Variants in CFAP20DC observed in about 807,000 individuals in gnomAD.
CFAP20DC encodes protein CFAP20DC.
In CFAP20DC, 84 loss-of-function variants were observed where a neutral mutation model predicts 101.7. The observed-to-expected ratio is 0.83, with a 90% CI of 0.69 to 0.99. The LOEUF (loss-of-function observed/expected upper bound fraction) is 0.99. CFAP20DC is among the 50% of genes least tolerant of loss of function. The probability of loss-of-function intolerance (pLI) is 0.00; values close to 1 mark genes in which losing one functional copy is unlikely to be tolerated. For missense variants in CFAP20DC, 1,007 were observed against 970.3 expected, an observed-to-expected ratio of 1.04 and a Z score of -0.50; for synonymous variants, 359 against 351.2, an observed-to-expected ratio of 1.02 and a Z score of -0.25.
At chr3:58,805,111 A>T (rs1049036116) in intron 15 of CFAP20DC, among the ~76,000 whole-genome samples, 3 of 152,240 alleles carry the variant, frequency 2.0e-5, no homozygotes. Context: ...ACTGGACCAG[A>T]ATGGGCACTT....
chr3:58,903,627 G>T (rs1422389868), intron 6 of CFAP20DC, among the ~76,000 whole-genome samples: 2 of 152,180 alleles, frequency 1.3e-5, no homozygotes, highest in Admixed American at 6.5e-5. Flanking sequence ...GGAGAGAGAA[G>T]TGCTGAGCAA....
At chr3:58,744,945 C>A (rs928365325) in intron 16 of CFAP20DC, among the ~76,000 whole-genome samples, 10 of 152,180 alleles carry the variant, frequency 6.6e-5, no homozygotes, top group African/African-American at 2.4e-4. Context: ...TTTTGATGAG[C>A]TTCTGTGACT....
At chr3:58,827,550 A>G (rs1275187693) in intron 14 of CFAP20DC, among the ~76,000 whole-genome samples, 2 of 152,098 alleles carry the variant, frequency 1.3e-5, no homozygotes, top group African/African-American at 4.8e-5. Context: ...TCCACCACAG[A>G]CTTAATTTGG....
intron 4 of CFAP20DC, among the ~76,000 whole-genome samples, chr3:58,957,657 A>T (rs148272724): frequency 1.4e-3 from 208 of 152,336 alleles, no homozygotes; most frequent in African/African-American, 4.7e-3. Flanking sequence ...CATACAATGG[A>T]GTATTATTCA....
At chr3:58,967,053 ATC>A (rs2108307259) in intron 4 of CFAP20DC, among the ~76,000 whole-genome samples, 1 of 152,322 alleles carries the variant, frequency 6.6e-6, no homozygotes, top group South Asian at 2.1e-4. Flanking sequence ...ACCCAGAGCA[ATC>A]TTGAAAAGCA....
At chr3:58,844,795 A>C (rs1302729340) in intron 13 of CFAP20DC, among the ~76,000 whole-genome samples, 1 of 135,996 alleles carries the variant, frequency 7.4e-6, no homozygotes, top group Admixed American at 7.2e-5. Context: ...AAAAGAACAG[A>C]AATTATAACA....
chr3:59,026,872 G>A (rs918439891), intron 4 of CFAP20DC, among the ~76,000 whole-genome samples: 1 of 152,190 alleles, frequency 6.6e-6, no homozygotes, highest in African/African-American at 2.4e-5. Flanking sequence ...TTGGCTTGAG[G>A]CTAAAGCTTT....
At chr3:58,927,892 T>C (rs1401120795) in intron 5 of CFAP20DC, among the ~76,000 whole-genome samples, 1 of 152,118 alleles carries the variant, frequency 6.6e-6, no homozygotes, top group Non-Finnish European at 1.5e-5. Flanking sequence ...TAGAGTATAC[T>C]AGCAGTGGAA....
At chr3:58,808,561 G>A (rs1001833122) in intron 14 of CFAP20DC, among the ~76,000 whole-genome samples, 3 of 152,130 alleles carry the variant, frequency 2.0e-5, no homozygotes, top group Non-Finnish European at 2.9e-5. Context: ...GCTCCTGAAG[G>A]AACCGCTAAA....
intron 14 of CFAP20DC, among the ~76,000 whole-genome samples, chr3:58,808,178 G>C (rs1271026467): frequency 1.6e-4 from 24 of 152,152 alleles, no homozygotes; most frequent in Admixed American, 6.5e-4. Flanking sequence ...AATCTAGCAA[G>C]GCAGGCTAAC....
rs1458492873 is a variant in CFAP20DC, at chr3:58,844,368, T to A, written c.1971+4664A>T. Among the ~76,000 whole-genome samples, 5 of 138,696 alleles carry A rather than the reference T, an allele frequency of 3.6e-5. No homozygotes were observed. In the South Asian group the frequency reaches 7.1e-4, roughly 20 times the overall value. The allele number at this position is 138,696 out of a possible 152,430, so 91.0% of individuals were successfully genotyped here. A position where few individuals can be genotyped will look rare whatever the true frequency, so the allele number is the denominator to read the frequency against. On this transcript the variant is annotated intron_variant, in intron 13 of 16. Coordinates refer to ENST00000482387, the MANE Select transcript of CFAP20DC (RefSeq NM_001394063.1). ...AAAGGCAGGGGTTGCAATCCTAGTC[T>A]CTGATAAAACAGACTTTAAACCAAC...
In CFAP20DC at chr3:58,868,615, T is replaced by C. The variant is rs971360102; in HGVS notation, c.1016-679A>G. Among the ~76,000 whole-genome samples, 2 of 152,202 alleles carry C rather than the reference T, an allele frequency of 1.3e-5. No individual in the cohort carries two copies. The highest frequency in any genetic ancestry group is 2.9e-5 in the Non-Finnish European group (2 of 68,018). ...TTAAGAAACTTGATCAAGGCCTCACTGACAGGCAGCTAGGGCTGGATTTCT... is the reference window on the plus strand; with the variant it reads ...TTAAGAAACTTGATCAAGGCCTCACCGACAGGCAGCTAGGGCTGGATTTCT... On this transcript the variant is annotated intron_variant, in intron 9 of 16. Transcript: ENST00000482387. The surrounding 1 kb of genome is among the most constrained non-coding windows in gnomAD (Gnocchi z 4.6).
rs1192133595 is a variant in CFAP20DC, at chr3:58,732,280, A to C, written c.198-14652T>G. Among the ~76,000 whole-genome samples the C allele has an allele frequency of 6.6e-6, 1 of 152,230 alleles. No homozygotes were observed. The highest frequency in any genetic ancestry group is 6.5e-5 in the Admixed American group (1 of 15,288). ...ATATAGAAACTGATGGTATTTGTCA[A>C]ATTCAGCTCAGTAGAAATGCCACAG... On this transcript the variant is annotated intron_variant, in intron 3 of 3. Coordinates refer to the CFAP20DC transcript ENST00000486145. The surrounding 1 kb of genome is among the most constrained non-coding windows in gnomAD (Gnocchi z 5.4).
chr3:58,869,233 G>A lies in CFAP20DC; in HGVS notation c.1015+95C>T. 2 of 973,934 alleles carry A rather than the reference G, an allele frequency of 2.1e-6. No homozygotes were observed. The highest frequency in any genetic ancestry group is 1.5e-6 in the Non-Finnish European group (1 of 668,564). The allele number at this position is 973,934 out of a possible 1,614,324, so 60.3% of individuals were successfully genotyped here. ...TTAAATGACAATTCTCTAGACTTAAGATCTAGACTTGAATATAACTGCTGA... is the reference window on the plus strand; with the variant it reads ...TTAAATGACAATTCTCTAGACTTAAAATCTAGACTTGAATATAACTGCTGA... On this transcript the variant is annotated intron_variant, in intron 9 of 16. Coordinates refer to ENST00000482387, the MANE Select transcript of CFAP20DC (RefSeq NM_001394063.1). The surrounding 1 kb of genome is among the most constrained non-coding windows in gnomAD (Gnocchi z 4.3).
intron 5 of CFAP20DC, among the ~76,000 whole-genome samples, chr3:58,934,175 T>C (rs971262533): frequency 6.6e-6 from 1 of 152,082 alleles, no homozygotes; most frequent in African/African-American, 2.4e-5. Context: ...AATTTAGAAG[T>C]AATGGATAAA....
intron 5 of CFAP20DC, among the ~76,000 whole-genome samples, chr3:58,915,790 T>C (rs2084639074): frequency 6.6e-6 from 1 of 152,310 alleles, no homozygotes; most frequent in Non-Finnish European, 1.5e-5. Flanking sequence ...CAGTTCTTTG[T>C]CACCCTACCC....
chr3:58,958,758 T>C (rs149665389), intron 4 of CFAP20DC, among the ~76,000 whole-genome samples: 1 of 152,336 alleles, frequency 6.6e-6, no homozygotes, highest in Admixed American at 6.5e-5. Flanking sequence ...CTTTTTTTTC[T>C]GTGAAATGCC....
intron 15 of CFAP20DC, among the ~76,000 whole-genome samples, chr3:58,801,567 A>G (rs1026319788): frequency 6.6e-6 from 1 of 152,118 alleles, no homozygotes; most frequent in Non-Finnish European, 1.5e-5. Context: ...ATGGGAAACT[A>G]AAAAGCTTAA....
intron 4 of CFAP20DC, among the ~76,000 whole-genome samples, chr3:58,947,703 G>T (rs2089541534): frequency 6.6e-6 from 1 of 152,166 alleles, no homozygotes; most frequent in Admixed American, 6.5e-5. Flanking sequence ...AGCGTCTTTA[G>T]GAAGCACATC....
Sources: gnomAD v4.1 joint callset for allele counts (sites outside exome capture counted in the v4.1 genomes callset) on GRCh38, gnomAD v4.1.1 for gene constraint, Gnocchi (gnomAD v3.1) non-coding constraint, MANE v1.5 for transcripts, NCBI Gene and HGNC (gene_info 2026-07-23, HGNC 2026-07-21) for gene names.